MTHFD1L: variants seen among roughly 807,000 people sequenced by gnomAD.
The protein encoded by MTHFD1L is methylenetetrahydrofolate dehydrogenase (NADP+ dependent) 1 like.
A neutral mutation model predicts 119.5 loss-of-function variants in MTHFD1L; 81 were observed. That is an observed-to-expected ratio of 0.68 (90% CI 0.57 to 0.82). MTHFD1L has a LOEUF of 0.82. Among genes scored for constraint, MTHFD1L ranks in the 40% least tolerant of loss-of-function variants. The probability of loss-of-function intolerance (pLI) is 0.00; values close to 1 mark genes in which losing one functional copy is unlikely to be tolerated. For synonymous variants in MTHFD1L, 430 were observed against 475.2 expected, an observed-to-expected ratio of 0.90 and a Z score of 1.24; for missense variants, 1,125 against 1,253.4, an observed-to-expected ratio of 0.90 and a Z score of 1.55.
chr6:150,940,006 C>G (rs1792829518), intron 13 of MTHFD1L, among the ~76,000 whole-genome samples: 1 of 152,052 alleles, frequency 6.6e-6, no homozygotes, highest in African/African-American at 2.4e-5. Context: ...TTTTCCTGTT[C>G]TCTCTTGGTT....
At chr6:150,939,174 C>A (rs1792645036) in intron 13 of MTHFD1L, 1 of 179,572 alleles carries the variant, frequency 5.6e-6, no homozygotes, top group Non-Finnish European at 1.2e-5. Flanking sequence ...TGCTGTACTG[C>A]CAAGTTCACG....
At position 150,938,701 on chromosome 6, in the gene MTHFD1L, G is replaced by A. The variant is rs1792551457; in HGVS notation, c.1396G>A (p.Gly466Arg). The A allele has an allele frequency of 1.9e-6, 3 of 1,610,190 alleles. No homozygotes were observed. The highest frequency in any genetic ancestry group is 2.5e-6 in the Non-Finnish European group (3 of 1,178,640). ...ATGCCTCTTGCTCTGTTGTTTAGGAGGAGCCGCGGGTGGTGGATATGCCCA... is the reference window on the plus strand; with the variant it reads ...ATGCCTCTTGCTCTGTTGTTTAGGAAGAGCCGCGGGTGGTGGATATGCCCA... ...SQGPTFGVKG[G>R]AAGGGYAQVI... The change falls in exon 13 of 28, where the codon GGA becomes AGA. Residue 466 changes from glycine (G) to arginine (R), a missense_variant and splice_region_variant. Coordinates refer to ENST00000367321, the MANE Select transcript of MTHFD1L (RefSeq NM_015440.5).
At chr6:150,879,778 C>T (rs1321368242) in intron 4 of MTHFD1L, among the ~76,000 whole-genome samples, 3 of 151,846 alleles carry the variant, frequency 2.0e-5, no homozygotes, top group South Asian at 4.2e-4. Flanking sequence ...TACAGGCACC[C>T]GCCATTATGC....
At chr6:150,922,505 T>C (rs1562384802) in intron 10 of MTHFD1L, among the ~76,000 whole-genome samples, 1 of 150,994 alleles carries the variant, frequency 6.6e-6, no homozygotes, top group African/African-American at 2.5e-5. Context: ...GTTCTGTCAA[T>C]TCTAAGAAGG....
intron 20 of MTHFD1L, 49 bp downstream of exon 20, chr6:150,972,107 TA>T: frequency 6.7e-7 from 1 of 1,489,990 alleles, no homozygotes; most frequent in Non-Finnish European, 9.3e-7. Flanking sequence ...TGAAGAAATC[TA>T]AAAGCTGATG....
chr6:150,886,925 G>C (rs1782407284), intron 6 of MTHFD1L, among the ~76,000 whole-genome samples: 2 of 151,074 alleles, frequency 1.3e-5, no homozygotes, highest in African/African-American at 4.9e-5. Context: ...GAGCCTGGGA[G>C]GTCAAGGCTT....
At chr6:151,010,089 T>C in intron 21 of MTHFD1L, 131 bp downstream of exon 21, 4 of 1,132,062 alleles carry the variant, frequency 3.5e-6, no homozygotes, top group Non-Finnish European at 1.2e-6. Flanking sequence ...ACTTTTTTTT[T>C]CCTGTAGACC....
intron 1 of MTHFD1L, among the ~76,000 whole-genome samples, chr6:150,867,454 T>C (rs1778597089): frequency 6.6e-6 from 1 of 152,178 alleles, no homozygotes; most frequent in African/African-American, 2.4e-5. Flanking sequence ...CCAAAAGCGC[T>C]GGGATTAATT....
At chr6:150,981,412 C>T (rs1777475090) in intron 20 of MTHFD1L, among the ~76,000 whole-genome samples, 1 of 152,180 alleles carries the variant, frequency 6.6e-6, no homozygotes, top group Admixed American at 6.5e-5. Flanking sequence ...TTTAAAATAC[C>T]CCACGGTGCC....
chr6:151,021,833 G>A (rs2128503944), intron 24 of MTHFD1L, among the ~76,000 whole-genome samples: 1 of 152,310 alleles, frequency 6.6e-6, no homozygotes, highest in Middle Eastern at 3.4e-3. Flanking sequence ...AGTCATTTTT[G>A]CAAAGAAGGA....
chr6:150,955,992 C>T lies in MTHFD1L; in HGVS notation c.1727-3C>T. The T allele has an allele frequency of 1.2e-6, 2 of 1,612,458 alleles. No homozygotes were observed. The highest frequency in any genetic ancestry group is 1.7e-6 in the Non-Finnish European group (2 of 1,178,472). ...ACTGAATGACTAATCTGTTCTCTTTCAGTATTGGATACAAATGACCGATTT... is the reference window on the plus strand; with the variant it reads ...ACTGAATGACTAATCTGTTCTCTTTTAGTATTGGATACAAATGACCGATTT... On this transcript the variant is annotated splice_region_variant and splice_polypyrimidine_tract_variant and intron_variant, in intron 16 of 27. Coordinates refer to ENST00000367321, the MANE Select transcript of MTHFD1L (RefSeq NM_015440.5).
chr6:150,960,900 G>A, intron 18 of MTHFD1L, among the ~76,000 whole-genome samples: 1 of 152,074 alleles, frequency 6.6e-6, no homozygotes. Context: ...TTAGATTTGG[G>A]TTTTGTATTA....
rs1214224233 is a variant in MTHFD1L, at chr6:151,035,668, G to GT, written c.2694+1077dup. Among the ~76,000 whole-genome samples the GT allele has an allele frequency of 4.6e-4, 68 of 146,490 alleles. 1 individual carries two copies. The highest frequency in any genetic ancestry group is 2.7e-3 in the East Asian group (14 of 5,122). Reference sequence around the variant, plus strand: ...AAGGTCATTCTCATAAGGTTGGTTTGTTTTTTTTTCCGTGAGTTTTTAATA... The same window carrying GT: ...AAGGTCATTCTCATAAGGTTGGTTTGTTTTTTTTTTCCGTGAGTTTTTAATA... On this transcript the variant is annotated intron_variant, in intron 25 of 27. Transcript: ENST00000367321.
At chr6:151,062,203 G>C (rs572157557) in intron 26 of MTHFD1L, among the ~76,000 whole-genome samples, 116 of 152,334 alleles carry the variant, frequency 7.6e-4, no homozygotes, top group African/African-American at 2.7e-3. Flanking sequence ...TTGGAAGGCC[G>C]AGGCGAGCGG....
At chr6:151,036,315 A>G (rs1379005613) in intron 25 of MTHFD1L, among the ~76,000 whole-genome samples, 5 of 152,126 alleles carry the variant, frequency 3.3e-5, no homozygotes, top group Non-Finnish European at 7.3e-5. Flanking sequence ...CAAAGCCTCT[A>G]AAGGAACACT....
At chr6:150,921,064 G>A (rs549371633) in intron 9 of MTHFD1L, among the ~76,000 whole-genome samples, 1 of 145,890 alleles carries the variant, frequency 6.9e-6, no homozygotes, top group East Asian at 2.1e-4. Flanking sequence ...TGATTCTCCC[G>A]CCTCAGCCTC....
chr6:151,061,664 G>A (rs1023507717), intron 26 of MTHFD1L, among the ~76,000 whole-genome samples: 5 of 152,208 alleles, frequency 3.3e-5, no homozygotes, highest in African/African-American at 1.2e-4. Context: ...TTGAGTCTGA[G>A]GTTCACTGGA....
At chr6:150,891,282 G>A (rs573235947) in intron 7 of MTHFD1L, among the ~76,000 whole-genome samples, 2 of 151,912 alleles carry the variant, frequency 1.3e-5, no homozygotes, top group Admixed American at 1.3e-4. Context: ...TACCGCGCCC[G>A]GGCTGGAAGA....
Position 150,879,189 on chromosome 6 carries a change from A to G in MTHFD1L, c.417+1363A>G, listed in dbSNP as rs905480805. Reference sequence around the variant, plus strand: ...GCCATTGTAGCGTGGTACAAATATGAAGTGTTAAATATGTAACAAATACCT... The same window carrying G: ...GCCATTGTAGCGTGGTACAAATATGGAGTGTTAAATATGTAACAAATACCT... On this transcript the variant is annotated intron_variant, in intron 4 of 27. Transcript: ENST00000367321. 2.0e-5 allele frequency among the ~76,000 whole-genome samples: 3 copies of G among 152,232 alleles called. No individual in the cohort carries two copies. In the East Asian group the frequency reaches 5.8e-4, roughly 29 times the overall value.
Sources: gnomAD v4.1 joint callset for allele counts (sites outside exome capture counted in the v4.1 genomes callset) on GRCh38, gnomAD v4.1.1 for gene constraint, MANE v1.5 for transcripts, NCBI Gene and HGNC (gene_info 2026-07-23, HGNC 2026-07-21) for gene names.